EYS: variants seen among roughly 807,000 people sequenced by gnomAD.
The protein encoded by EYS is protein eyes shut homolog.
A neutral mutation model predicts 282.1 loss-of-function variants in EYS; 250 were observed. The ratio of observed to expected loss-of-function variants is 0.89; its 90% CI spans 0.80 to 0.98. The LOEUF is 0.98. Ranked by LOEUF, EYS falls within the 50% of genes least tolerant of loss-of-function variation. The probability of loss-of-function intolerance (pLI) is 0.00; values close to 1 mark genes in which losing one functional copy is unlikely to be tolerated. For missense variants in EYS, 4,016 were observed against 3,709.0 expected (o/e 1.08, Z -2.15); for synonymous variants, 1,355 against 1,282.9 (o/e 1.06, Z -1.20).
At chr6:64,161,646 A>G (rs993740523) in intron 31 of EYS, among the ~76,000 whole-genome samples, 3 of 152,190 alleles carry the variant, frequency 2.0e-5, no homozygotes, top group Non-Finnish European at 2.9e-5. Context: ...CCGAAAGTGA[A>G]TATTTTTCAT....
At chr6:64,665,332 T>C (rs1049797840) in intron 22 of EYS, among the ~76,000 whole-genome samples, 1 of 152,202 alleles carries the variant, frequency 6.6e-6, no homozygotes, top group Non-Finnish European at 1.5e-5. Flanking sequence ...AATTTAATTG[T>C]TGTAAGTGCT....
chr6:64,533,778 A>G (rs781023135), intron 26 of EYS, among the ~76,000 whole-genome samples: 1 of 152,028 alleles, frequency 6.6e-6, no homozygotes. Context: ...ATATATCATT[A>G]AACATAAAGG....
At chr6:64,640,546 T>C (rs9294564) in intron 22 of EYS, among the ~76,000 whole-genome samples, 15 of 148,068 alleles carry the variant, frequency 1.0e-4, no homozygotes, top group South Asian at 6.6e-4. Context: ...AGGAAGGGGG[T>C]CATCACACTC....
intron 26 of EYS, among the ~76,000 whole-genome samples, chr6:64,452,614 C>A (rs1196840361): frequency 1.3e-5 from 2 of 152,124 alleles, no homozygotes; most frequent in African/African-American, 4.8e-5. Flanking sequence ...AACTATACTA[C>A]AAGGCTACAG....
intron 12 of EYS, among the ~76,000 whole-genome samples, chr6:65,121,310 T>C (rs1775542761): frequency 6.6e-6 from 1 of 152,170 alleles, no homozygotes; most frequent in African/African-American, 2.4e-5. Context: ...ACTTATACAG[T>C]TGAAAAAGGA....
In EYS at chr6:64,757,744, T is replaced by TTGTGTGTGTGTG. The variant is rs66825340; in HGVS notation, c.3443+55622_3443+55633dup. Among the ~76,000 whole-genome samples the TTGTGTGTGTGTG allele has an allele frequency of 4.7e-3, 662 of 139,886 alleles. 3 individuals are homozygous for TTGTGTGTGTGTG. Among genetic ancestry groups the TTGTGTGTGTGTG allele is most frequent in the African/African-American group, 6.2e-3 (237 of 38,324 alleles). The allele number at this position is 139,886 out of a possible 152,430, so 91.8% of individuals were successfully genotyped here. Reference sequence around the variant, plus strand: ...AGATTAATTTTTTTTCTTTTTTTCTTTGTGTGTGTGTGTGTGTGTGTGTGT... The same window carrying TTGTGTGTGTGTG: ...AGATTAATTTTTTTTCTTTTTTTCTTTGTGTGTGTGTGTGTGTGTGTGTGTGTGTGTGTGTGT... On this transcript the variant is annotated intron_variant, in intron 22 of 42. Transcript: ENST00000503581.
intron 2 of EYS, among the ~76,000 whole-genome samples, chr6:65,638,887 T>C (rs1038451321): frequency 1.3e-5 from 2 of 152,166 alleles, no homozygotes; most frequent in African/African-American, 4.8e-5. Context: ...CCACAGAGGT[T>C]TCCAGCTGGA....
At chr6:64,777,906 C>T (rs1205723745) in intron 22 of EYS, among the ~76,000 whole-genome samples, 1 of 151,954 alleles carries the variant, frequency 6.6e-6, no homozygotes, top group East Asian at 1.9e-4. Flanking sequence ...ATTACAGTAT[C>T]ATAGATATAT....
At chr6:63,980,660 A>T (rs1160892965) in intron 35 of EYS, among the ~76,000 whole-genome samples, 2 of 151,864 alleles carry the variant, frequency 1.3e-5, no homozygotes, top group African/African-American at 4.8e-5. Context: ...ATTGAAATTG[A>T]TCTGCTATTT....
chr6:64,372,936 A>C (rs1469257846), intron 29 of EYS, among the ~76,000 whole-genome samples: 1 of 152,098 alleles, frequency 6.6e-6, no homozygotes, highest in Non-Finnish European at 1.5e-5. Context: ...TCTTTCTTAT[A>C]ATGGCCATTT....
At chr6:64,347,448 C>G (rs1057186484) in intron 29 of EYS, among the ~76,000 whole-genome samples, 1 of 151,236 alleles carries the variant, frequency 6.6e-6, no homozygotes, top group African/African-American at 2.4e-5. Flanking sequence ...TTCCAAAAAT[C>G]TGAAGATGGA....
At chr6:64,975,114 G>C (rs557626376) in intron 14 of EYS, among the ~76,000 whole-genome samples, 2 of 151,798 alleles carry the variant, frequency 1.3e-5, no homozygotes, top group Admixed American at 1.3e-4. Flanking sequence ...ATTTGAGATT[G>C]ATTAGGTCAG....
intron 13 of EYS, among the ~76,000 whole-genome samples, chr6:65,049,284 A>C (rs1773196792): frequency 6.6e-6 from 1 of 151,752 alleles, no homozygotes; most frequent in Non-Finnish European, 1.5e-5. Context: ...TTCTCAGAGT[A>C]ATTTTAGCTA....
At chr6:65,273,115 G>A (rs1414726739) in intron 12 of EYS, among the ~76,000 whole-genome samples, 2 of 152,182 alleles carry the variant, frequency 1.3e-5, no homozygotes, top group Non-Finnish European at 2.9e-5. Flanking sequence ...GGAGAAAGAT[G>A]ATGTGAGATT....
intron 18 of EYS, among the ~76,000 whole-genome samples, chr6:64,898,130 AGCAACCCCAAG>A (rs983072290): frequency 1.5e-3 from 227 of 152,226 alleles, no homozygotes; most frequent in African/African-American, 5.2e-3. Flanking sequence ...CCTCGAGAAA[AGCAACCCCAAG>A]GCACATAATC....
At chr6:65,383,263 A>G (rs1765683655) in intron 8 of EYS, among the ~76,000 whole-genome samples, 1 of 151,964 alleles carries the variant, frequency 6.6e-6, no homozygotes, top group Non-Finnish European at 1.5e-5. Context: ...TTTTCAGCAT[A>G]GAGATCTTAG....
intron 22 of EYS, among the ~76,000 whole-genome samples, chr6:64,705,562 GACTTGGA>G (rs1316233234): frequency 6.6e-6 from 1 of 151,724 alleles, no homozygotes; most frequent in African/African-American, 2.4e-5. Flanking sequence ...CAATAGCAAA[GACTTGGA>G]ACCAACCCAA....
At chr6:64,640,118 G>A (rs570844579) in intron 22 of EYS, among the ~76,000 whole-genome samples, 18 of 147,780 alleles carry the variant, frequency 1.2e-4, no homozygotes, top group Middle Eastern at 6.8e-3. Context: ...TACACTGTTG[G>A]TGGGACTGTA....
In EYS at chr6:65,494,761, C is replaced by G; in HGVS notation, c.650G>C (p.Cys217Ser). Reference protein sequence around the residue: ...SGKYCQELDACSFKPCKNNGS... With the variant: ...SGKYCQELDASSFKPCKNNGS... ...ATTATTTTTACATGGTTTAAAAGAA[C>G]ATGCATCAAGTTCCTGGCAGTATTT... The change falls in exon 4 of 43, where the codon TGT (cysteine) becomes TCT (serine). Residue 217 changes from cysteine (C) to serine (S), a missense_variant. Coordinates refer to ENST00000503581, the MANE Select transcript of EYS (RefSeq NM_001142800.2). 1 of 1,614,018 alleles carries G rather than the reference C, an allele frequency of 6.2e-7. No homozygotes were observed. The highest frequency in any genetic ancestry group is 8.5e-7 in the Non-Finnish European group (1 of 1,179,960).
Sources: allele counts gnomAD v4.1 joint callset (sites outside exome capture counted in the v4.1 genomes callset), GRCh38; gene constraint gnomAD v4.1.1; transcripts MANE v1.5; gene names NCBI Gene and HGNC (gene_info 2026-07-23, HGNC 2026-07-21).